SPOCK3: variants seen among roughly 807,000 people sequenced by gnomAD.
The protein encoded by SPOCK3 is SPARC (osteonectin), cwcv and kazal like domains proteoglycan 3.
A neutral mutation model predicts 56.6 loss-of-function variants in SPOCK3; 30 were observed. That is an observed-to-expected ratio of 0.53 (90% CI 0.40 to 0.72). The LOEUF (loss-of-function observed/expected upper bound fraction) is 0.72. Ranked by LOEUF, SPOCK3 falls within the 30% of genes least tolerant of loss-of-function variation. The probability of loss-of-function intolerance (pLI) is 0.00; values close to 1 mark genes in which losing one functional copy is unlikely to be tolerated. For synonymous variants in SPOCK3, 196 were observed against 183.3 expected, an observed-to-expected ratio of 1.07 and a Z score of -0.56; for missense variants, 527 against 530.0, an observed-to-expected ratio of 0.99 and a Z score of 0.06.
intron 2 of SPOCK3, among the ~76,000 whole-genome samples, chr4:167,091,430 A>G (rs1373123360): frequency 6.6e-6 from 1 of 152,182 alleles, no homozygotes; most frequent in Non-Finnish European, 1.5e-5. Context: ...TTCACTCTCA[A>G]AGCTTAATTT....
intron 6 of SPOCK3, among the ~76,000 whole-genome samples, chr4:166,828,619 A>T (rs1359295840): frequency 6.6e-6 from 1 of 152,052 alleles, no homozygotes; most frequent in Non-Finnish European, 1.5e-5. Context: ...TTCTAAGATA[A>T]AAAGCTTCCT....
intron 7 of SPOCK3, among the ~76,000 whole-genome samples, chr4:166,782,911 A>G (rs1395793561): frequency 1.3e-5 from 2 of 152,206 alleles, no homozygotes; most frequent in Non-Finnish European, 2.9e-5. Context: ...CAAAATAGAA[A>G]GGATGTAGTG....
At chr4:166,860,802 C>CATATATATATATATATACAT in intron 6 of SPOCK3, among the ~76,000 whole-genome samples, 3 of 101,940 alleles carry the variant, frequency 2.9e-5, no homozygotes, top group Non-Finnish European at 2.0e-5. Context: ...CACACAAATT[C>CATATATATATATATATACAT]ATATATATAT....
chr4:166,825,146 T>C (rs1007366368), intron 6 of SPOCK3, among the ~76,000 whole-genome samples: 1 of 152,032 alleles, frequency 6.6e-6, no homozygotes, highest in Admixed American at 6.6e-5. Flanking sequence ...ATGTGACAAA[T>C]AAGGTACCTA....
intron 3 of SPOCK3, among the ~76,000 whole-genome samples, chr4:167,042,527 A>G (rs771986634): frequency 3.3e-5 from 5 of 152,144 alleles, no homozygotes; most frequent in Non-Finnish European, 7.4e-5. Context: ...TTTGTCTGTT[A>G]AAGTCCTACC....
chr4:167,145,908 G>T (rs1277190922), intron 2 of SPOCK3, among the ~76,000 whole-genome samples: 2 of 151,858 alleles, frequency 1.3e-5, no homozygotes, highest in Non-Finnish European at 2.9e-5. Flanking sequence ...TCAGCTAATG[G>T]GCAAAATAAT....
intron 6 of SPOCK3, among the ~76,000 whole-genome samples, chr4:166,865,657 T>A (rs1352339491): frequency 1.3e-5 from 2 of 151,966 alleles, no homozygotes; most frequent in East Asian, 3.9e-4. Flanking sequence ...GAGAGCCAAA[T>A]CATGAGTGAA....
rs552753673 is a variant in SPOCK3 at position 166,925,892 on chromosome 4, G to T, written c.351-13149C>A. The stretch of plus-strand genomic sequence containing the variant: ...AGAAAACTCATGGAGCCACATGAAC[G>T]CATTAAGCTTATTTACCAGTTTCTG... On this transcript the variant is annotated intron_variant, in intron 4 of 10. Coordinates refer to ENST00000357545, the MANE Select transcript of SPOCK3 (RefSeq NM_001040159.2). 3.4e-4 allele frequency among the ~76,000 whole-genome samples: 52 copies of T among 152,174 alleles called. No individual in the cohort carries two copies. In the South Asian group the frequency reaches 9.8e-3, roughly 29 times the overall value.
At chr4:167,061,165 A>T (rs1485849906) in intron 3 of SPOCK3, among the ~76,000 whole-genome samples, 4 of 152,046 alleles carry the variant, frequency 2.6e-5, no homozygotes, top group African/African-American at 9.7e-5. Context: ...CATAAAGGAA[A>T]ATAAAAACAT....
chr4:166,956,804 G>A (rs1189221098), intron 4 of SPOCK3, among the ~76,000 whole-genome samples: 1 of 151,962 alleles, frequency 6.6e-6, no homozygotes, highest in Non-Finnish European at 1.5e-5. Context: ...GCTAAGTTGA[G>A]AACCCTTCTC....
chr4:166,986,552 T>C (rs1412654781), intron 4 of SPOCK3, among the ~76,000 whole-genome samples: 2 of 152,178 alleles, frequency 1.3e-5, no homozygotes, highest in African/African-American at 4.8e-5. Context: ...TTACCATTTA[T>C]AATTTTACAG....
At position 166,835,274 on chromosome 4, in the gene SPOCK3, T is replaced by C. The variant is rs77647390; in HGVS notation, c.590-42985A>G. Among the ~76,000 whole-genome samples, 569 of 152,294 alleles carry C rather than the reference T, an allele frequency of 3.7e-3. 2 individuals are homozygous for C. The highest frequency in any genetic ancestry group is 0.013 in the African/African-American group (541 of 41,580). On this transcript the variant is annotated intron_variant, in intron 6 of 10. Coordinates refer to ENST00000357545, the MANE Select transcript of SPOCK3 (RefSeq NM_001040159.2). ...TAAACATCTATTAAATATTATAATG[T>C]TCAAAAAACTTTTGTCTATTTACAG...
intron 6 of SPOCK3, among the ~76,000 whole-genome samples, chr4:166,826,879 G>C (rs1312321806): frequency 1.3e-5 from 2 of 152,044 alleles, no homozygotes; most frequent in African/African-American, 4.8e-5. Context: ...GGCCTGGACA[G>C]AGAATCAGAT....
At chr4:166,752,217 A>G (rs938061049) in intron 8 of SPOCK3, among the ~76,000 whole-genome samples, 1 of 151,778 alleles carries the variant, frequency 6.6e-6, no homozygotes, top group African/African-American at 2.4e-5. Context: ...TAGAGACAGG[A>G]TCTCACCACA....
Position 166,832,619 on chromosome 4 carries a change from C to T in SPOCK3, c.590-40330G>A, listed in dbSNP as rs191280929. Among the ~76,000 whole-genome samples the T allele has an allele frequency of 6.0e-4, 91 of 152,184 alleles. 1 individual carries two copies. The highest frequency in any genetic ancestry group is 5.9e-3 in the Admixed American group (90 of 15,274). On this transcript the variant is annotated intron_variant, in intron 6 of 10. Coordinates refer to ENST00000357545, the MANE Select transcript of SPOCK3 (RefSeq NM_001040159.2). ...CAAAAAGACACACGTATATTCAATG[C>T]AGTACTATTCACAATAGCCAAGACA...
chr4:167,104,844 G>GA lies in SPOCK3; in HGVS notation c.190-42308dup, dbSNP rs533487671. 2.8e-3 allele frequency among the ~76,000 whole-genome samples: 360 copies of GA among 126,480 alleles called. 1 individual carries two copies. The highest frequency in any genetic ancestry group is 8.6e-3 in the South Asian group (34 of 3,948). 83.0% of individuals were successfully genotyped at this position (126,480 alleles called of 152,430 possible). ...CGATCCCAAAAGCAGCAAGCAAAAAGAAAAAAAAAAAAAGACACACAATTG... is the reference window on the plus strand; with the variant it reads ...CGATCCCAAAAGCAGCAAGCAAAAAGAAAAAAAAAAAAAAGACACACAATTG... On this transcript the variant is annotated intron_variant, in intron 2 of 10. Coordinates refer to ENST00000357545, the MANE Select transcript of SPOCK3 (RefSeq NM_001040159.2).
chr4:166,754,175 C>T, intron 8 of SPOCK3: 1 of 1,025,906 alleles, frequency 9.7e-7, no homozygotes, highest in Non-Finnish European at 1.2e-6. Context: ...ACATTGTGGG[C>T]AAAGCAGATA....
At chr4:167,138,451 G>A (rs1763286600) in intron 2 of SPOCK3, among the ~76,000 whole-genome samples, 1 of 151,798 alleles carries the variant, frequency 6.6e-6, no homozygotes, top group South Asian at 2.1e-4. Flanking sequence ...TTTTAGAGGT[G>A]AATGAAAAAC....
At chr4:166,762,547 C>G (rs1478352151) in intron 7 of SPOCK3, among the ~76,000 whole-genome samples, 5 of 151,996 alleles carry the variant, frequency 3.3e-5, no homozygotes, top group Non-Finnish European at 7.4e-5. Context: ...GGGATTCAAC[C>G]AATTCTGAAA....
Sources: gnomAD v4.1 joint callset for allele counts (sites outside exome capture counted in the v4.1 genomes callset) on GRCh38, gnomAD v4.1.1 for gene constraint, MANE v1.5 for transcripts, NCBI Gene and HGNC (gene_info 2026-07-23, HGNC 2026-07-21) for gene names.